ACSM3: variants seen among roughly 807,000 people sequenced by gnomAD.
The protein encoded by ACSM3 is acyl-coenzyme A synthetase ACSM3, mitochondrial.
A neutral mutation model predicts 74.1 loss-of-function variants in ACSM3; 61 were observed. The ratio of observed to expected loss-of-function variants is 0.82; its 90% confidence interval spans 0.67 to 1.02. The LOEUF (loss-of-function observed/expected upper bound fraction) is 1.02. Among genes scored for constraint, ACSM3 ranks in the 50% least tolerant of loss-of-function variants. ACSM3 has a pLI of 0.00. For missense variants in ACSM3, 660 were observed against 697.0 expected (o/e 0.95, Z 0.60); for synonymous variants, 213 against 241.5 (o/e 0.88, Z 1.09).
chr16:20,679,899 C>T (rs1234032603), intron 1 of ACSM3: 4 of 152,196 alleles, frequency 2.6e-5, no homozygotes, highest in Admixed American at 6.5e-5. Flanking sequence ...AGAAGCCCCT[C>T]CCTCCTGTAA....
At chr16:20,695,777 A>C (rs894636139) in intron 1 of ACSM3, among the ~76,000 whole-genome samples, 2 of 152,114 alleles carry the variant, frequency 1.3e-5, no homozygotes, top group African/African-American at 2.4e-5. Context: ...GTCTGCGTCT[A>C]TCTCTATCTC....
Position 20,685,064 on chromosome 16 carries a change from G to A in ACSM3, c.-190+10242G>A, listed in dbSNP as rs1020701890. 266 of 925,114 alleles carry A rather than the reference G, an allele frequency of 2.9e-4. 3 individuals carry two copies. The highest frequency in any genetic ancestry group is 6.3e-4 in the Middle Eastern group (2 of 3,162). The allele number at this position is 925,114 out of a possible 1,614,324, so 57.3% of individuals were successfully genotyped here. On this transcript the variant is annotated intron_variant, in intron 1 of 3. Coordinates refer to the ACSM3 transcript ENST00000561584. ...CAGGAAGCCTTGCTTTGTGGTCCCAGCACAGAAACTGGGGCGAAGGCTTCA... is the reference window on the plus strand; with the variant it reads ...CAGGAAGCCTTGCTTTGTGGTCCCAACACAGAAACTGGGGCGAAGGCTTCA...
chr16:20,791,232 G>A (rs1423586331), intron 10 of ACSM3, among the ~76,000 whole-genome samples: 1 of 152,138 alleles, frequency 6.6e-6, no homozygotes, highest in Non-Finnish European at 1.5e-5. Flanking sequence ...ACAGTATCTT[G>A]TTTTTTCTTA....
intron 12 of ACSM3, among the ~76,000 whole-genome samples, chr16:20,794,202 A>C (rs761827243): frequency 3.3e-5 from 5 of 152,180 alleles, no homozygotes; most frequent in African/African-American, 7.2e-5. Flanking sequence ...CAGGCAGGGT[A>C]ATTGGGTAGC....
At chr16:20,675,571 G>A (rs1425243546) in intron 1 of ACSM3, among the ~76,000 whole-genome samples, 1 of 152,204 alleles carries the variant, frequency 6.6e-6, no homozygotes, top group Non-Finnish European at 1.5e-5. Flanking sequence ...CTTTTGGAGT[G>A]CATGATAAAG....
chr16:20,714,586 G>A (rs894553813), intron 1 of ACSM3, among the ~76,000 whole-genome samples: 4 of 152,116 alleles, frequency 2.6e-5, no homozygotes, highest in Non-Finnish European at 4.4e-5. Flanking sequence ...GCAAACTAAA[G>A]AACTAGCAGG....
chr16:20,691,198 G>C lies in ACSM3; in HGVS notation c.-190+16376G>C, dbSNP rs367747245. The C allele has an allele frequency of 2.6e-6, 4 of 1,556,126 alleles. No homozygotes were observed. The African/African-American group carries it at 5.6e-5, about 22-fold the overall frequency. On this transcript the variant is annotated intron_variant, in intron 1 of 3. Coordinates refer to the ACSM3 transcript ENST00000561584. Reference sequence around the variant, plus strand: ...TCATTAGCCACTGCATGGTGAAACAGTCCTCAGAAACCAGGCACAGAGTTC... The same window carrying C: ...TCATTAGCCACTGCATGGTGAAACACTCCTCAGAAACCAGGCACAGAGTTC...
At chr16:20,772,522 G>A (rs959338644) in intron 2 of ACSM3, among the ~76,000 whole-genome samples, 16 of 151,960 alleles carry the variant, frequency 1.1e-4, no homozygotes, top group African/African-American at 3.6e-4. Context: ...AATCCAGTTC[G>A]AGTTGATTTT....
In ACSM3 at chr16:20,797,393, G is replaced by T. The variant is rs1395173095; in HGVS notation, c.*421G>T. On this transcript the variant is annotated 3_prime_UTR_variant, in exon 14 of 14. Transcript: ENST00000289416. ...GTTTTTAGAAAAATATAAAATATCA[G>T]TTAGAAGATTATGATAATCTCAAAG... The T allele has an allele frequency of 2.0e-6, 2 of 987,606 alleles. No individual in the cohort carries two copies. The highest frequency in any genetic ancestry group is 9.4e-5 in the East Asian group (1 of 10,688). The allele number at this position is 987,606 out of a possible 1,614,324, so 61.2% of individuals were successfully genotyped here.
chr16:20,775,741 G>T (rs1596516133), intron 2 of ACSM3, 98 bp from the exon 3 acceptor site: 201 of 1,208,362 alleles, frequency 1.7e-4, no homozygotes, highest in Admixed American at 5.5e-5. Flanking sequence ...CTAATGACTT[G>T]CGAACTTTCT....
In ACSM3 at chr16:20,741,780, T is replaced by G. The variant is rs757178510; in HGVS notation, c.-189-8130T>G. On this transcript the variant is annotated intron_variant, in intron 1 of 3. Transcript: ENST00000561584. ...AGAGGAAAGAGAAACGTTTCTCCGC[T>G]GCTGTTGGCGTCCTCGTCTATCGCC... 82 of 1,549,622 alleles carry G rather than the reference T, an allele frequency of 5.3e-5. No homozygotes were observed. In the Middle Eastern group the frequency reaches 8.3e-4, roughly 16 times the overall value.
At chr16:20,791,701 C>T (rs1040742214) in intron 10 of ACSM3, among the ~76,000 whole-genome samples, 2 of 152,006 alleles carry the variant, frequency 1.3e-5, no homozygotes, top group Non-Finnish European at 1.5e-5. Flanking sequence ...CCAAGGTGGG[C>T]GGATCACTTG....
intron 1 of ACSM3, chr16:20,680,991 T>A (rs2079434022): frequency 6.6e-6 from 1 of 152,170 alleles, no homozygotes; most frequent in Non-Finnish European, 1.5e-5. Context: ...TAGAAGAGCA[T>A]AATCACAAAA....
chr16:20,741,712 G>C (rs1336269611), intron 1 of ACSM3: 3 of 1,577,256 alleles, frequency 1.9e-6, no homozygotes, highest in Admixed American at 3.7e-5. Context: ...CCGCCAGGCT[G>C]AGTAGTCTGC....
intron 1 of ACSM3, chr16:20,738,649 C>A (rs1455966469): frequency 1.7e-5 from 8 of 469,360 alleles, no homozygotes; most frequent in Non-Finnish European, 2.7e-5. Context: ...ACAGAACTGG[C>A]ACTCTAGTTC....
chr16:20,796,202 A>G (rs1407618235), intron 12 of ACSM3, 168 bp from the exon 13 acceptor site: 1 of 1,195,334 alleles, frequency 8.4e-7, no homozygotes. Flanking sequence ...TGTATTAGGT[A>G]CAGACCAGGA....
intron 1 of ACSM3, among the ~76,000 whole-genome samples, chr16:20,731,954 TA>T (rs1332241280): frequency 6.6e-6 from 1 of 152,198 alleles, no homozygotes; most frequent in Non-Finnish European, 1.5e-5. Flanking sequence ...GAATCACTAC[TA>T]AGATTCTTTC....
chr16:20,691,249 A>G lies in ACSM3; in HGVS notation c.-190+16427A>G, dbSNP rs2079649026. On this transcript the variant is annotated intron_variant, in intron 1 of 3. Transcript: ENST00000561584. ...TCAAGTCACCACCTGCCTTGGGAAG[A>G]GATGGCTAATAGATTGGCTGTGTAT... 3 of 1,393,306 alleles carry G rather than the reference A, an allele frequency of 2.2e-6. No homozygotes were observed. In the Admixed American group the frequency reaches 7.9e-5, roughly 37 times the overall value. 86.3% of individuals were successfully genotyped at this position (1,393,306 alleles called of 1,614,324 possible). A position where few individuals can be genotyped will look rare whatever the true frequency, so the allele number is the denominator to read the frequency against.
At chr16:20,786,272 C>T in intron 9 of ACSM3, 114 bp downstream of exon 9, 4 of 1,451,808 alleles carry the variant, frequency 2.8e-6, no homozygotes, top group Non-Finnish European at 3.6e-6. Flanking sequence ...ATTTTACTTC[C>T]ATGATACTTT....
Sources: allele counts gnomAD v4.1 joint callset (sites outside exome capture counted in the v4.1 genomes callset), GRCh38; gene constraint gnomAD v4.1.1; transcripts MANE v1.5; gene names NCBI Gene and HGNC (gene_info 2026-07-23, HGNC 2026-07-21).